SPG11: variants seen among roughly 807,000 people sequenced by gnomAD.
SPG11 encodes spatacsin.
SPG11 carries 222 observed loss-of-function variants against 274.0 expected under a neutral mutation model. The ratio of observed to expected loss-of-function variants is 0.81; its 90% CI spans 0.73 to 0.91. SPG11 has a LOEUF of 0.91. Among genes scored for constraint, SPG11 ranks in the 40% least tolerant of loss-of-function variants. The pLI, the probability that SPG11 is intolerant of heterozygous loss-of-function variation, is 0.00. For missense variants in SPG11, 3,114 were observed against 2,872.7 expected (o/e 1.08, Z -1.92); for synonymous variants, 1,144 against 1,039.7 (o/e 1.10, Z -1.93).
At chr15:44,619,246 T>G (rs1299722174) in intron 15 of SPG11, among the ~76,000 whole-genome samples, 1 of 152,170 alleles carries the variant, frequency 6.6e-6, no homozygotes, top group Admixed American at 6.5e-5. Context: ...CCAATAAGTG[T>G]AAATAGAAAA....
At chr15:44,564,170 T>G (rs929178742) in intron 39 of SPG11, among the ~76,000 whole-genome samples, 1 of 152,062 alleles carries the variant, frequency 6.6e-6, no homozygotes, top group African/African-American at 2.4e-5. Context: ...TTTTTGTATT[T>G]TTAGTAGAGA....
chr15:44,564,821 T>C (rs1185888926), intron 38 of SPG11, 123 bp from the exon 39 acceptor site: 2 of 1,093,922 alleles, frequency 1.8e-6, no homozygotes, highest in South Asian at 2.8e-5. Context: ...TTACCAATTA[T>C]GTTAAAAGGC....
chr15:44,647,054 T>C (rs1204561810), intron 7 of SPG11, among the ~76,000 whole-genome samples: 1 of 152,168 alleles, frequency 6.6e-6, no homozygotes, highest in Non-Finnish European at 1.5e-5. Context: ...ATGTATGTCA[T>C]AGAGTCTAGC....
chr15:44,641,910 C>T (rs2084456286), intron 7 of SPG11, among the ~76,000 whole-genome samples: 1 of 115,132 alleles, frequency 8.7e-6, no homozygotes, highest in South Asian at 2.8e-4. Context: ...TTTACAGCAA[C>T]ACTGCTTAAC....
intron 18 of SPG11, 81 bp downstream of exon 18, chr15:44,610,759 C>T (rs1392340328): frequency 3.1e-6 from 4 of 1,270,222 alleles, no homozygotes; most frequent in Non-Finnish European, 4.6e-6. Flanking sequence ...ATTTTAATAT[C>T]AGCTGAGATC....
intron 7 of SPG11, among the ~76,000 whole-genome samples, chr15:44,634,547 T>C (rs1484078412): frequency 6.6e-6 from 1 of 151,276 alleles, no homozygotes; most frequent in Non-Finnish European, 1.5e-5. Context: ...GCCTCCGAAA[T>C]TGCTGGGATT....
chr15:44,633,925 A>C (rs1272050628), intron 7 of SPG11, among the ~76,000 whole-genome samples: 1 of 151,324 alleles, frequency 6.6e-6, no homozygotes, highest in African/African-American at 2.4e-5. Context: ...TGCAACCTTT[A>C]TCTCTCAGGT....
chr15:44,565,525 C>CT (rs2140912889), intron 38 of SPG11, among the ~76,000 whole-genome samples: 1 of 152,342 alleles, frequency 6.6e-6, no homozygotes, highest in Non-Finnish European at 1.5e-5. Context: ...CCAGTGCTCA[C>CT]TTGCTGTGCG....
Position 44,585,745 on chromosome 15 carries a change from T to C in SPG11, c.5012A>G (p.His1671Arg). The C allele has an allele frequency of 6.2e-7, 1 of 1,614,120 alleles. No homozygotes were observed. The highest frequency in any genetic ancestry group is 8.5e-7 in the Non-Finnish European group (1 of 1,180,010). Residue 1671 changes from histidine to arginine, a missense_variant, in exon 29 of 40, where the codon CAT becomes CGT. His to Arg is a conservative substitution (Grantham distance 29, BLOSUM62 0). Transcript: ENST00000261866. ...ITSYSIENLQ[H>R]ECRSILERLQ... ...TCTTTCCAAAATAGATCTACATTCA[T>C]GCTGAAGATTCTCAATGCTGTAGCT...
chr15:44,600,728 G>GT (rs2083164491), intron 20 of SPG11, 96 bp from the exon 21 acceptor site: 7 of 1,366,970 alleles, frequency 5.1e-6, no homozygotes, highest in East Asian at 2.3e-5. Context: ...ACTGGTTGCT[G>GT]TAATTATTTT....
Position 44,567,585 on chromosome 15 carries a change from G to C in SPG11, c.6593C>G (p.Thr2198Ser), listed in dbSNP as rs748671132. 1 of 1,613,884 alleles carries C rather than the reference G, an allele frequency of 6.2e-7. No homozygotes were observed. The highest frequency in any genetic ancestry group is 1.7e-5 in the Admixed American group (1 of 59,988). ...LMRKKLDPSG[T>S]LKTALLDYIK... ...GTAGTCCAGCAGGGCTGTTTTCAGG[G>C]TACCACTCTGCCCAGAATAAAAGGG... The change falls in exon 36 of 40, where the codon ACC becomes AGC. Residue 2198 changes from threonine (T) to serine (S), a missense_variant. By Grantham distance (58) the Thr-to-Ser change is moderately conservative (BLOSUM62 1). Coordinates refer to ENST00000261866, the MANE Select transcript of SPG11 (RefSeq NM_025137.4).
Position 44,647,652 on chromosome 15 carries a change from T to C in SPG11, c.1602+1214A>G, listed in dbSNP as rs1168199760. Among the ~76,000 whole-genome samples the C allele has an allele frequency of 5.9e-5, 9 of 152,332 alleles. No individual in the cohort carries two copies. In the South Asian group the frequency reaches 1.2e-3, roughly 21 times the overall value. ...CTTTGAAAACATGCTAGGTCAAAGA[T>C]GCCTGTCACAAAGGTCACATATTTT... On this transcript the variant is annotated intron_variant, in intron 7 of 39. Transcript: ENST00000261866.
At chr15:44,657,451 A>G (rs2084974563) in intron 3 of SPG11, among the ~76,000 whole-genome samples, 155 bp from the exon 4 acceptor site, 1 of 152,232 alleles carries the variant, frequency 6.6e-6, no homozygotes, top group Non-Finnish European at 1.5e-5. Flanking sequence ...TATAACAACC[A>G]GATGACTATG....
At chr15:44,565,794 AGTG>A in intron 38 of SPG11, 57 bp downstream of exon 38, 1 of 1,603,754 alleles carries the variant, frequency 6.2e-7, no homozygotes, top group African/African-American at 1.3e-5. Flanking sequence ...GGGTTCCATG[AGTG>A]GGACAGAAGG....
chr15:44,622,435 G>T, intron 12 of SPG11, 88 bp from the exon 13 acceptor site: 1 of 1,090,144 alleles, frequency 9.2e-7, no homozygotes, highest in Non-Finnish European at 1.3e-6. Flanking sequence ...ATAAGGTAGT[G>T]CTGGGAATTA....
chr15:44,659,047 G>GT (rs751173946), intron 3 of SPG11, 32 bp downstream of exon 3: 1 of 1,595,674 alleles, frequency 6.3e-7, no homozygotes, highest in African/African-American at 1.3e-5. Context: ...TCTCCTCTAC[G>GT]TATCAATCAA....
At position 44,651,733 on chromosome 15, in the gene SPG11, T is replaced by G. The variant is rs756326438; in HGVS notation, c.1214A>C (p.Lys405Thr). The G allele has an allele frequency of 1.7e-5, 27 of 1,614,152 alleles. No homozygotes were observed. The highest frequency in any genetic ancestry group is 1.6e-4 in the Middle Eastern group (1 of 6,084). ...CCATGATCTTCCTGGATCACTGGTC[T>G]TGGCATGATCTTTCTGTAGAACATT... ...QYNVLQKDHA[K>T]TSDPGRSWKI... is the part of the protein sequence containing the mutation. Residue 405 changes from lysine (K) to threonine (T), a missense_variant, in exon 6 of 40, where the codon AAG becomes ACG. Coordinates refer to ENST00000261866, the MANE Select transcript of SPG11 (RefSeq NM_025137.4).
chr15:44,592,863 G>A (rs2082938337), intron 26 of SPG11, among the ~76,000 whole-genome samples: 1 of 151,946 alleles, frequency 6.6e-6, no homozygotes, highest in African/African-American at 2.4e-5. Context: ...GTGGTGGCAT[G>A]TGCCTATAGT....
chr15:44,564,254 T>C (rs946982907), intron 39 of SPG11, among the ~76,000 whole-genome samples: 1 of 152,006 alleles, frequency 6.6e-6, no homozygotes, highest in East Asian at 1.9e-4. Flanking sequence ...CGGCCTCCCA[T>C]AGTGCTGGGA....
Sources: gnomAD v4.1 joint callset for allele counts (sites outside exome capture counted in the v4.1 genomes callset) on GRCh38, gnomAD v4.1.1 for gene constraint, MANE v1.5 for transcripts, NCBI Gene and HGNC (gene_info 2026-07-23, HGNC 2026-07-21) for gene names.